The following PDE1B variants were observed in gnomAD, a reference collection of about 807,000 sequenced individuals.
PDE1B encodes dual specificity calcium/calmodulin-dependent 3',5'-cyclic nucleotide phosphodiesterase 1B.
PDE1B carries 13 observed loss-of-function variants against 66.7 expected under a neutral mutation model. That is an observed-to-expected ratio of 0.19 (90% CI 0.13 to 0.31). The LOEUF (loss-of-function observed/expected upper bound fraction) is 0.31, where lower values mean the gene tolerates loss of function less well. PDE1B is among the 10% of genes least tolerant of loss of function. PDE1B has a pLI of 1.00. For synonymous variants in PDE1B, 230 were observed against 253.9 expected (o/e 0.91, Z 0.90); for missense variants, 485 against 682.3 (o/e 0.71, Z 3.22).
intron 6 of PDE1B, chr12:54,570,805 G>C (rs1957601876): frequency 6.3e-6 from 1 of 159,530 alleles, no homozygotes; most frequent in Non-Finnish European, 1.4e-5. Flanking sequence ...GTCAGCTCTT[G>C]ACAGGGCTCG....
chr12:54,572,473 C>G, intron 6 of PDE1B, 128 bp from the exon 7 acceptor site: 1 of 882,686 alleles, frequency 1.1e-6, no homozygotes, highest in Non-Finnish European at 1.8e-6. Flanking sequence ...GCCAGGTTCA[C>G]CTAACTAGGT....
chr12:54,550,613 G>GT (rs1387968910), intron 2 of PDE1B, among the ~76,000 whole-genome samples: 1 of 151,852 alleles, frequency 6.6e-6, no homozygotes, highest in African/African-American at 2.4e-5. Flanking sequence ...AATCTGGAGG[G>GT]GGGGTTGGAG....
chr12:54,572,049 T>C (rs1403472034), intron 6 of PDE1B: 1 of 154,076 alleles, frequency 6.5e-6, no homozygotes, highest in East Asian at 1.9e-4. Flanking sequence ...GACAGAGCTC[T>C]GGCTGCTGGT....
intron 2 of PDE1B, among the ~76,000 whole-genome samples, 163 bp from the exon 3 acceptor site, chr12:54,566,811 A>T (rs1251047104): frequency 6.6e-6 from 1 of 152,234 alleles, no homozygotes; most frequent in East Asian, 1.9e-4. Flanking sequence ...ATAGCCTGAG[A>T]TTAAAAAAGA....
In PDE1B at chr12:54,575,207, T is replaced by C; in HGVS notation, c.1174T>C (p.Phe392Leu). The C allele has an allele frequency of 6.2e-7, 1 of 1,613,640 alleles. No individual in the cohort carries two copies. Among genetic ancestry groups the C allele is most frequent in the Non-Finnish European group, 8.5e-7 (1 of 1,179,696 alleles). The change falls in exon 11 of 16, where the codon TTC becomes CTC. Residue 392 changes from phenylalanine (F) to leucine (L), a missense_variant. Phe to Leu is a conservative substitution (Grantham distance 22, BLOSUM62 0). Coordinates refer to ENST00000243052, the MANE Select transcript of PDE1B (RefSeq NM_000924.4). This position sits in a 1 kb window ranked among gnomAD's most constrained non-coding sequence, Gnocchi z 4.0. Reference sequence around the variant, plus strand: ...TTGGACCAAGGCCCTCATGGAGGAATTCTTCCGTCAGGTAGCGTGGCATCT... The same window carrying C: ...TTGGACCAAGGCCCTCATGGAGGAACTCTTCCGTCAGGTAGCGTGGCATCT... The part of the protein sequence containing the change: ...SRWTKALMEE[F>L]FRQGDKEAEL...
intron 2 of PDE1B, among the ~76,000 whole-genome samples, chr12:54,563,572 G>A (rs1292058156): frequency 6.6e-6 from 1 of 152,212 alleles, no homozygotes; most frequent in African/African-American, 2.4e-5. Flanking sequence ...ATCTGGACTT[G>A]GGAGAGAGAA....
At chr12:54,558,226 T>G (rs1309877131) in intron 2 of PDE1B, among the ~76,000 whole-genome samples, 1 of 152,084 alleles carries the variant, frequency 6.6e-6, no homozygotes, top group African/African-American at 2.4e-5. Context: ...TTTCCTTTCC[T>G]CCCTGCCCCC....
intron 2 of PDE1B, among the ~76,000 whole-genome samples, chr12:54,552,160 A>T (rs1957286993): frequency 1.3e-5 from 2 of 152,110 alleles, no homozygotes. Flanking sequence ...AATATTGGGG[A>T]GGCTTTGACT....
At chr12:54,566,530 A>G (rs1034106420) in intron 2 of PDE1B, among the ~76,000 whole-genome samples, 7 of 152,208 alleles carry the variant, frequency 4.6e-5, no homozygotes, top group African/African-American at 1.7e-4. Flanking sequence ...CTTGGGGGCT[A>G]TCTTGATTGC....
At position 54,575,453 on chromosome 12, in the gene PDE1B, C is replaced by T. The variant is rs900966077; in HGVS notation, c.1186-98C>T. The T allele has an allele frequency of 3.3e-5, 29 of 880,784 alleles. No homozygotes were observed. Among genetic ancestry groups the T allele is most frequent in the Non-Finnish European group, 5.2e-5 (27 of 522,106 alleles). 54.6% of individuals were successfully genotyped at this position (880,784 alleles called of 1,614,324 possible). On this transcript the variant is annotated intron_variant, in intron 11 of 15. Coordinates refer to ENST00000243052, the MANE Select transcript of PDE1B (RefSeq NM_000924.4). This position sits in a 1 kb window ranked among gnomAD's most constrained non-coding sequence, Gnocchi z 4.0. Reference sequence around the variant, plus strand: ...CCAGGTCAACAGTGCAGAAATTTCACACAACAACCCCCCACCCCCACCACT... The same window carrying T: ...CCAGGTCAACAGTGCAGAAATTTCATACAACAACCCCCCACCCCCACCACT...
At chr12:54,577,467 C>T (rs367598537) in intron 15 of PDE1B, 122 bp downstream of exon 15, 17 of 1,601,228 alleles carry the variant, frequency 1.1e-5, no homozygotes, top group Admixed American at 5.0e-5. Context: ...TAAAATGGAG[C>T]GAGTGAAGAC....
chr12:54,568,467 TACACACACACAC>T (rs56360853), intron 3 of PDE1B, among the ~76,000 whole-genome samples: 87,839 of 143,368 alleles, frequency 0.61, 28,312 homozygotes, highest in Middle Eastern at 0.79. Context: ...TGTCTAAAAA[TACACACACACAC>T]ACACACACAC....
Position 54,577,245 on chromosome 12 carries a change from A to C in PDE1B, c.1528A>C (p.Ile510Leu). The C allele has an allele frequency of 6.2e-7, 1 of 1,613,986 alleles. No individual in the cohort carries two copies. Among genetic ancestry groups the C allele is most frequent in the South Asian group, 1.1e-5 (1 of 91,056 alleles). Residue 510 changes from isoleucine to leucine, a missense_variant, in exon 15 of 16, where the codon ATT becomes CTT. By Grantham distance (5) the Ile-to-Leu change is conservative. Transcript: ENST00000243052. ...TACAGGCATCACCAACCAGATGTCC[A>C]TTGACGAGCTGTCCCCCTGTGAAGA... ...AASGITNQMS[I>L]DELSPCEEEA...
In PDE1B at chr12:54,578,480, G is replaced by C. The variant is rs1355080431; in HGVS notation, c.*638G>C. The C allele has an allele frequency of 6.6e-6, 1 of 152,330 alleles. No homozygotes were observed. The highest frequency in any genetic ancestry group is 1.5e-5 in the Non-Finnish European group (1 of 68,170). The allele number at this position is 152,330 out of a possible 1,614,324, so 9.4% of individuals were successfully genotyped here. ...GCTGCTTCAGCCCCATCTCCAGCCT[G>C]ATCCTCTGAATCTTCCTTCCCTCCC... On this transcript the variant is annotated 3_prime_UTR_variant, in exon 16 of 16. Transcript: ENST00000243052.
chr12:54,576,610 A>T lies in PDE1B; in HGVS notation c.1416A>T (p.Gly472=), dbSNP rs1340686038. The T allele has an allele frequency of 1.2e-6, 2 of 1,614,008 alleles. No individual in the cohort carries two copies. The highest frequency in any genetic ancestry group is 1.7e-6 in the Non-Finnish European group (2 of 1,179,980). Residue 472 remains glycine (G), a synonymous_variant, in exon 14 of 16, where the codon GGA becomes GGT. Coordinates refer to ENST00000243052, the MANE Select transcript of PDE1B (RefSeq NM_000924.4). Reference sequence around the variant, plus strand: ...AGCCCTCTCTGGATGTGGAAGTGGGAGACCCCAACCCTGATGTGGTCAGCT... The same window carrying T: ...AGCCCTCTCTGGATGTGGAAGTGGGTGACCCCAACCCTGATGTGGTCAGCT... ...WRQPSLDVEV[G]DPNPDVVSFR... is the part of the protein sequence containing the mutation.
At chr12:54,561,439 C>G in intron 2 of PDE1B, 1 of 1,267,774 alleles carries the variant, frequency 7.9e-7, no homozygotes, top group Non-Finnish European at 1.0e-6. Context: ...AGGCCCCTCC[C>G]CAAAGTTCTC....
At chr12:54,555,699 C>T (rs924476115) in intron 2 of PDE1B, among the ~76,000 whole-genome samples, 2 of 152,082 alleles carry the variant, frequency 1.3e-5, no homozygotes, top group African/African-American at 2.4e-5. Flanking sequence ...TAAAGGAATC[C>T]TTGAGAATTT....
chr12:54,569,651 G>A lies in PDE1B; in HGVS notation c.477+39G>A. The A allele has an allele frequency of 7.1e-7, 1 of 1,398,910 alleles. No individual in the cohort carries two copies. The highest frequency in any genetic ancestry group is 1.0e-6 in the Non-Finnish European group (1 of 983,664). The allele number at this position is 1,398,910 out of a possible 1,614,324, so 86.7% of individuals were successfully genotyped here. ...TTTTGGGAAAGAGGAGAAAGTTAGGGGATGGAATAGCCACTGGGACTTCTA... is the reference window on the plus strand; with the variant it reads ...TTTTGGGAAAGAGGAGAAAGTTAGGAGATGGAATAGCCACTGGGACTTCTA... On this transcript the variant is annotated intron_variant, in intron 5 of 15. Coordinates refer to ENST00000243052, the MANE Select transcript of PDE1B (RefSeq NM_000924.4). This position sits in a 1 kb window ranked among gnomAD's most constrained non-coding sequence, Gnocchi z 4.4.
At position 54,573,919 on chromosome 12, in the gene PDE1B, G is replaced by A. The variant is rs1350497614; in HGVS notation, c.1064+210G>A. 7.3e-6 allele frequency: 4 copies of A among 546,416 alleles called. No individual in the cohort carries two copies. Among genetic ancestry groups the A allele is most frequent in the African/African-American group, 4.1e-5 (2 of 48,888 alleles). The allele number at this position is 546,416 out of a possible 1,614,324, so 33.8% of individuals were successfully genotyped here. ...TGTGTGTGTGTGTGTGTGTCCTTAC[G>A]TTTACTCACAGCCTTGGCAGCTGAT... On this transcript the variant is annotated intron_variant, in intron 10 of 15. Transcript: ENST00000243052. The surrounding 1 kb of genome is among the most constrained non-coding windows in gnomAD (Gnocchi z 5.2).
Sources: allele counts gnomAD v4.1 joint callset (sites outside exome capture counted in the v4.1 genomes callset), GRCh38; gene constraint gnomAD v4.1.1; non-coding constraint Gnocchi (gnomAD v3.1); transcripts MANE v1.5; gene names NCBI Gene and HGNC (gene_info 2026-07-23, HGNC 2026-07-21).